ENOX1: variants seen among roughly 807,000 people sequenced by gnomAD.
The protein encoded by ENOX1 is candidate growth-related and time keeping constitutive hydroquinone (NADH) oxidase.
ENOX1 carries 42 observed loss-of-function variants against 82.5 expected under a neutral mutation model. The observed-to-expected ratio is 0.51, with a 90% CI of 0.40 to 0.66. The LOEUF (loss-of-function observed/expected upper bound fraction) is 0.66, where lower values mean the gene tolerates loss of function less well. Among genes scored for constraint, ENOX1 ranks in the 30% least tolerant of loss-of-function variants. The pLI is 0.00. For missense variants in ENOX1, 608 were observed against 811.6 expected (o/e 0.75, Z 3.05); for synonymous variants, 271 against 282.2 (o/e 0.96, Z 0.40).
intron 2 of ENOX1, among the ~76,000 whole-genome samples, chr13:43,597,572 G>A (rs1464097227): frequency 6.6e-6 from 1 of 152,052 alleles, no homozygotes; most frequent in Non-Finnish European, 1.5e-5. Flanking sequence ...TCTCTCACCT[G>A]GATTATTACC....
At chr13:43,520,781 A>C (rs2077735145) in intron 2 of ENOX1, among the ~76,000 whole-genome samples, 1 of 152,154 alleles carries the variant, frequency 6.6e-6, no homozygotes, top group Non-Finnish European at 1.5e-5. Flanking sequence ...TAGGCTCTAA[A>C]ATGCTTTGCA....
chr13:43,732,055 A>G (rs994651992), intron 1 of ENOX1, among the ~76,000 whole-genome samples: 1 of 152,256 alleles, frequency 6.6e-6, no homozygotes, highest in Non-Finnish European at 1.5e-5. Context: ...CTTCAACCTT[A>G]TAGGAGTCAT....
intron 5 of ENOX1, among the ~76,000 whole-genome samples, chr13:43,368,311 T>C (rs1378700813): frequency 1.3e-5 from 2 of 152,228 alleles, no homozygotes; most frequent in Non-Finnish European, 2.9e-5. Flanking sequence ...TGTCAACAGC[T>C]ATTCTAAGTA....
chr13:43,478,742 T>G (rs1272984099), intron 3 of ENOX1, among the ~76,000 whole-genome samples: 1 of 152,170 alleles, frequency 6.6e-6, no homozygotes, highest in South Asian at 2.1e-4. Flanking sequence ...AATCCCACTA[T>G]AAAAATTGAG....
intron 2 of ENOX1, among the ~76,000 whole-genome samples, chr13:43,570,197 A>G (rs1402318218): frequency 6.6e-6 from 1 of 152,194 alleles, no homozygotes; most frequent in Non-Finnish European, 1.5e-5. Context: ...TCATTTGGAG[A>G]TAGTCACGTT....
chr13:43,334,826 T>A (rs1258814513), intron 9 of ENOX1, among the ~76,000 whole-genome samples: 1 of 152,132 alleles, frequency 6.6e-6, no homozygotes, highest in Non-Finnish European at 1.5e-5. Context: ...TCTGTCCTAC[T>A]TTTTTTGAAA....
In ENOX1 at chr13:43,359,950, G is replaced by A. The variant is rs1294824663; in HGVS notation, c.490C>T (p.Gln164Ter). Residue 164 changes from glutamine to a stop codon, truncating the protein, a stop_gained, in exon 7 of 17, where the codon CAG becomes TAG. Coordinates refer to ENST00000690772, the MANE Select transcript of ENOX1 (RefSeq NM_001347969.2). LOFTEE classifies it high-confidence loss of function. ...TEEIIQEVFE[Q>*]CGDITAIRKS... ...CGAATTGCTGTAATATCACCGCACT[G>A]TTCAAAGACTTCTTGAATAATTTCC... The A allele has an allele frequency of 6.2e-7, 1 of 1,614,184 alleles. No individual in the cohort carries two copies. Among genetic ancestry groups the A allele is most frequent in the Non-Finnish European group, 8.5e-7 (1 of 1,180,012 alleles).
At chr13:43,453,810 T>C (rs1295663087) in intron 3 of ENOX1, among the ~76,000 whole-genome samples, 1 of 152,104 alleles carries the variant, frequency 6.6e-6, no homozygotes, top group Non-Finnish European at 1.5e-5. Flanking sequence ...TGAACAATAA[T>C]TGCACTACAA....
chr13:43,608,550 C>T (rs1446629974), intron 2 of ENOX1, among the ~76,000 whole-genome samples: 2 of 152,134 alleles, frequency 1.3e-5, no homozygotes, highest in South Asian at 2.1e-4. Context: ...TGGGCCACAA[C>T]AATAAGCACA....
At chr13:43,461,454 A>T (rs888942595) in intron 3 of ENOX1, among the ~76,000 whole-genome samples, 28 of 152,178 alleles carry the variant, frequency 1.8e-4, no homozygotes, top group Admixed American at 9.2e-4. Flanking sequence ...TGATATATAT[A>T]TTTTTTTCTT....
chr13:43,527,459 T>C (rs1274301885), intron 2 of ENOX1, among the ~76,000 whole-genome samples: 1 of 152,096 alleles, frequency 6.6e-6, no homozygotes, highest in Non-Finnish European at 1.5e-5. Context: ...CCCCTAAAAA[T>C]ACTAGAATAT....
At chr13:43,511,915 G>A (rs925304845) in intron 2 of ENOX1, among the ~76,000 whole-genome samples, 17 of 152,002 alleles carry the variant, frequency 1.1e-4, no homozygotes, top group African/African-American at 2.4e-4. Context: ...TGAGAAGTGC[G>A]TATGTGTGTA....
At chr13:43,509,965 A>C (rs1449774308) in intron 2 of ENOX1, among the ~76,000 whole-genome samples, 1 of 151,986 alleles carries the variant, frequency 6.6e-6, no homozygotes, top group Non-Finnish European at 1.5e-5. Flanking sequence ...ACCCATTTTT[A>C]GCAAAATTAG....
At chr13:43,703,603 T>A (rs1199461595) in intron 1 of ENOX1, among the ~76,000 whole-genome samples, 3 of 152,182 alleles carry the variant, frequency 2.0e-5, no homozygotes, top group Non-Finnish European at 1.5e-5. Context: ...TTCTTGAGAG[T>A]AGATTTTATT....
intron 3 of ENOX1, among the ~76,000 whole-genome samples, chr13:43,482,388 A>T (rs1431797391): frequency 6.6e-6 from 1 of 152,234 alleles, no homozygotes; most frequent in Non-Finnish European, 1.5e-5. Flanking sequence ...ACCGAAGGAC[A>T]AGTACTGCAT....
chr13:43,277,530 G>A (rs2045121946), intron 12 of ENOX1, among the ~76,000 whole-genome samples: 1 of 152,186 alleles, frequency 6.6e-6, no homozygotes, highest in Admixed American at 6.5e-5. Context: ...GGCTTCTCAT[G>A]GGGGTGCCTG....
Position 43,213,177 on chromosome 13 carries a change from A to C in ENOX1, c.*813T>G, listed in dbSNP as rs2041266206. 6.6e-6 allele frequency among the ~76,000 whole-genome samples: 1 copy of C among 152,180 alleles called. No homozygotes were observed. The highest frequency in any genetic ancestry group is 2.4e-5 in the African/African-American group (1 of 41,462). ...GAAAAAAATTAATATCTTTGCTATAAAATTTGTAACAGGAATATTTACTGA... is the reference window on the plus strand; with the variant it reads ...GAAAAAAATTAATATCTTTGCTATACAATTTGTAACAGGAATATTTACTGA... On this transcript the variant is annotated 3_prime_UTR_variant, in exon 17 of 17. Coordinates refer to ENST00000690772, the MANE Select transcript of ENOX1 (RefSeq NM_001347969.2).
chr13:43,332,658 C>T (rs2048473631), intron 9 of ENOX1, among the ~76,000 whole-genome samples: 1 of 152,074 alleles, frequency 6.6e-6, no homozygotes, highest in South Asian at 2.1e-4. Flanking sequence ...TGCATCACTC[C>T]AAGTATACTC....
intron 14 of ENOX1, among the ~76,000 whole-genome samples, chr13:43,260,266 GAA>G (rs1348581323): frequency 4.6e-5 from 7 of 152,218 alleles, no homozygotes; most frequent in African/African-American, 2.4e-5. Context: ...GTGAAAAACT[GAA>G]AAGTCTTTTT....
Sources: gnomAD v4.1 joint callset for allele counts (sites outside exome capture counted in the v4.1 genomes callset) on GRCh38, gnomAD v4.1.1 for gene constraint, MANE v1.5 for transcripts, NCBI Gene and HGNC (gene_info 2026-07-23, HGNC 2026-07-21) for gene names.